Variants in PRIMPOL observed in about 807,000 individuals in gnomAD.
The protein encoded by PRIMPOL is DNA-directed primase/polymerase protein.
A neutral mutation model predicts 63.6 loss-of-function variants in PRIMPOL; 54 were observed. The ratio of observed to expected loss-of-function variants is 0.85; its 90% CI spans 0.68 to 1.07. The LOEUF (loss-of-function observed/expected upper bound fraction) is 1.07. PRIMPOL is among the 50% of genes least tolerant of loss of function. The probability of loss-of-function intolerance (pLI) is 0.00; values close to 1 mark genes in which losing one functional copy is unlikely to be tolerated. For missense variants in PRIMPOL, 610 were observed against 648.3 expected (o/e 0.94, Z 0.64); for synonymous variants, 197 against 220.2 (o/e 0.89, Z 0.93).
At position 184,693,608 on chromosome 4, in the gene PRIMPOL, T is replaced by C. The variant is rs183641021; in HGVS notation, c.1426-914T>C. On this transcript the variant is annotated intron_variant, in intron 13 of 13. Transcript: ENST00000314970. ...GCTTTTCTATTGCACTGATATTTCATTGGTCACTTGATTTTAAATTTACTA... is the reference window on the plus strand; with the variant it reads ...GCTTTTCTATTGCACTGATATTTCACTGGTCACTTGATTTTAAATTTACTA... Among the ~76,000 whole-genome samples, 287 of 152,328 alleles carry C rather than the reference T, an allele frequency of 1.9e-3. 3 individuals are homozygous for C. Among genetic ancestry groups the C allele is most frequent in the African/African-American group, 6.5e-3 (269 of 41,568 alleles).
At chr4:184,679,579 G>A (rs55974219) in intron 8 of PRIMPOL, among the ~76,000 whole-genome samples, 15,456 of 152,272 alleles carry the variant, frequency 0.1, 940 homozygotes, top group Middle Eastern at 0.17. Flanking sequence ...TAAATAATGT[G>A]TGATGAATCC....
At chr4:184,667,778 T>A (rs1346484997) in intron 6 of PRIMPOL, among the ~76,000 whole-genome samples, 1 of 152,194 alleles carries the variant, frequency 6.6e-6, no homozygotes, top group Non-Finnish European at 1.5e-5. Context: ...CACCTAAGTT[T>A]CATTATCCCC....
intron 11 of PRIMPOL, among the ~76,000 whole-genome samples, chr4:184,687,699 C>T (rs1333538981): frequency 6.6e-6 from 1 of 152,238 alleles, no homozygotes; most frequent in Admixed American, 6.5e-5. Flanking sequence ...ACTGCAACCT[C>T]TGTCTCCCGG....
At chr4:184,663,039 A>C (rs536673662) in intron 5 of PRIMPOL, among the ~76,000 whole-genome samples, 3 of 146,328 alleles carry the variant, frequency 2.1e-5, no homozygotes, top group African/African-American at 7.5e-5. Flanking sequence ...TATTATTATT[A>C]TTATTATTAT....
chr4:184,687,336 G>T (rs1757245470), intron 11 of PRIMPOL, among the ~76,000 whole-genome samples: 1 of 152,120 alleles, frequency 6.6e-6, no homozygotes, highest in Non-Finnish European at 1.5e-5. Flanking sequence ...CTCCCAAAGT[G>T]CTGGGATTAC....
chr4:184,662,207 G>A (rs979894880), intron 5 of PRIMPOL, among the ~76,000 whole-genome samples: 8 of 151,916 alleles, frequency 5.3e-5, no homozygotes, highest in African/African-American at 1.2e-4. Flanking sequence ...CTTCCATTAC[G>A]AATAGCTGAC....
At chr4:184,694,408 C>T in intron 13 of PRIMPOL, 114 bp from the exon 14 acceptor site, 1 of 1,421,576 alleles carries the variant, frequency 7.0e-7, no homozygotes, top group Non-Finnish European at 9.2e-7. Context: ...TGCATATTCA[C>T]TTTAGTATCT....
chr4:184,675,276 G>T (rs1372792869), intron 7 of PRIMPOL, among the ~76,000 whole-genome samples: 1 of 152,080 alleles, frequency 6.6e-6, no homozygotes, highest in African/African-American at 2.4e-5. Flanking sequence ...ACTGCAAATG[G>T]CATCATGTAC....
chr4:184,689,088 A>G (rs908941532), intron 11 of PRIMPOL, among the ~76,000 whole-genome samples: 5 of 152,092 alleles, frequency 3.3e-5, no homozygotes, highest in South Asian at 2.1e-4. Context: ...CCTGTCGCCC[A>G]GGCTTGAGTG....
intron 4 of PRIMPOL, among the ~76,000 whole-genome samples, chr4:184,660,086 G>A (rs1189197844): frequency 2.6e-5 from 4 of 151,650 alleles, no homozygotes; most frequent in Non-Finnish European, 5.9e-5. Flanking sequence ...CTCCCAAAGT[G>A]TTGGGATTAC....
intron 9 of PRIMPOL, among the ~76,000 whole-genome samples, chr4:184,685,115 G>GAGCT (rs1756666503): frequency 6.6e-6 from 1 of 152,172 alleles, no homozygotes; most frequent in Non-Finnish European, 1.5e-5. Flanking sequence ...CTGGCTGATG[G>GAGCT]AGCTAGGCCT....
chr4:184,679,764 T>C (rs577062839), intron 8 of PRIMPOL, among the ~76,000 whole-genome samples: 1 of 152,234 alleles, frequency 6.6e-6, no homozygotes, highest in Non-Finnish European at 1.5e-5. Context: ...TAGATTCTTA[T>C]AGGAGTGCAA....
At chr4:184,654,867 T>C (rs1364097753) in intron 2 of PRIMPOL, among the ~76,000 whole-genome samples, 1 of 152,246 alleles carries the variant, frequency 6.6e-6, no homozygotes, top group Non-Finnish European at 1.5e-5. Context: ...TTCTGTTTCC[T>C]AGTATATACT....
At chr4:184,656,616 A>G (rs117753758) in intron 2 of PRIMPOL, among the ~76,000 whole-genome samples, 1 of 152,276 alleles carries the variant, frequency 6.6e-6, no homozygotes, top group East Asian at 1.9e-4. Context: ...AGAGCTGTAC[A>G]TTGGTATCTA....
At chr4:184,675,741 C>T (rs951723167) in intron 7 of PRIMPOL, among the ~76,000 whole-genome samples, 4 of 149,616 alleles carry the variant, frequency 2.7e-5, no homozygotes, top group Non-Finnish European at 6.0e-5. Context: ...CACTTGAATC[C>T]GGGAGGCAGA....
At position 184,657,033 on chromosome 4, in the gene PRIMPOL, T is replaced by C. The variant is rs1746649431; in HGVS notation, c.-59-49T>C. 1.5e-5 allele frequency: 12 copies of C among 787,532 alleles called. No homozygotes were observed. In the South Asian group the frequency reaches 4.1e-4, roughly 27 times the overall value. 48.8% of individuals were successfully genotyped at this position (787,532 alleles called of 1,614,324 possible). Reference sequence around the variant, plus strand: ...TTTTGAAACTTTATCAAACAAAATATATTCTAAACAAAGAAATTAATGGCC... The same window carrying C: ...TTTTGAAACTTTATCAAACAAAATACATTCTAAACAAAGAAATTAATGGCC... On this transcript the variant is annotated intron_variant, in intron 2 of 13. Transcript: ENST00000314970.
Position 184,661,806 on chromosome 4 carries a change from C to G in PRIMPOL, c.311C>G (p.Pro104Arg), listed in dbSNP as rs764625933. The G allele has an allele frequency of 6.2e-7, 1 of 1,612,396 alleles. No homozygotes were observed. Among genetic ancestry groups the G allele is most frequent in the Non-Finnish European group, 8.5e-7 (1 of 1,178,938 alleles). ...KNLLHCYEVIPENAVCKLYFD... is the reference protein window; with the variant it reads ...KNLLHCYEVIRENAVCKLYFD... ...CTCTTACACTGCTATGAAGTTATTC[C>G]TGAAAATGCTGTGTGCAAGCTTTAT... The change falls in exon 5 of 14, where the codon CCT becomes CGT. Residue 104 changes from proline (P) to arginine (R), a missense_variant. Transcript: ENST00000314970.
intron 13 of PRIMPOL, among the ~76,000 whole-genome samples, chr4:184,693,251 A>G (rs1444358026): frequency 1.3e-5 from 2 of 152,244 alleles, no homozygotes; most frequent in Non-Finnish European, 2.9e-5. Context: ...TTTTGAAATA[A>G]CCAAGAACAA....
intron 8 of PRIMPOL, among the ~76,000 whole-genome samples, chr4:184,681,110 CTT>C (rs930067002): frequency 6.6e-6 from 1 of 152,124 alleles, no homozygotes. Flanking sequence ...GTTACCTTGT[CTT>C]TTGTGTATTC....
Sources: allele counts gnomAD v4.1 joint callset (sites outside exome capture counted in the v4.1 genomes callset), GRCh38; gene constraint gnomAD v4.1.1; transcripts MANE v1.5; gene names NCBI Gene and HGNC (gene_info 2026-07-23, HGNC 2026-07-21).